The following JAKMIP2 variants were observed in gnomAD, a reference collection of about 807,000 sequenced individuals.
JAKMIP2 encodes janus kinase and microtubule interacting protein 2.
Under a neutral mutation model 115.0 loss-of-function variants are expected in JAKMIP2, and 25 were observed. The ratio of observed to expected loss-of-function variants is 0.22; its 90% CI spans 0.16 to 0.30. JAKMIP2 has a LOEUF of 0.30. Ranked by LOEUF, JAKMIP2 falls within the 10% of genes least tolerant of loss-of-function variation. The pLI is 1.00. For missense variants in JAKMIP2, 642 were observed against 957.6 expected (o/e 0.67, Z 4.35); for synonymous variants, 334 against 343.6 (o/e 0.97, Z 0.31).
chr5:147,634,182 C>T (rs1757500954), intron 12 of JAKMIP2, among the ~76,000 whole-genome samples: 2 of 152,130 alleles, frequency 1.3e-5, no homozygotes, highest in Non-Finnish European at 2.9e-5. Flanking sequence ...TTGAAGTTAC[C>T]TATTTAGGTT....
intron 1 of JAKMIP2, among the ~76,000 whole-genome samples, chr5:147,759,633 C>T (rs1754863887): frequency 6.6e-6 from 1 of 152,072 alleles, no homozygotes; most frequent in African/African-American, 2.4e-5. Flanking sequence ...GTGAGAGAGC[C>T]TCCCTTAAAA....
intron 16 of JAKMIP2, 91 bp from the exon 17 acceptor site, chr5:147,623,780 TTATA>T: frequency 1.4e-6 from 1 of 724,372 alleles, no homozygotes; most frequent in Non-Finnish European, 2.4e-6. Context: ...TCTCCTCCCC[TTATA>T]TCTCAGGAAG....
chr5:147,638,019 A>C (rs1305361538), intron 10 of JAKMIP2, among the ~76,000 whole-genome samples: 2 of 152,200 alleles, frequency 1.3e-5, no homozygotes, highest in East Asian at 3.8e-4. Context: ...TTGATTGTTA[A>C]ATATTACATT....
chr5:147,633,836 C>T (rs1757482367), intron 12 of JAKMIP2, among the ~76,000 whole-genome samples: 1 of 119,042 alleles, frequency 8.4e-6, no homozygotes, highest in South Asian at 3.8e-4. Context: ...ACTACAGGTG[C>T]CTGCCACCAG....
intron 10 of JAKMIP2, among the ~76,000 whole-genome samples, chr5:147,637,454 T>TTTTTTTTTTTTTTTTTTTTC (rs1757677433): frequency 1.4e-5 from 2 of 147,390 alleles, no homozygotes; most frequent in Admixed American, 6.8e-5. Flanking sequence ...TTTTTTTTTT[T>TTTTTTTTTTTTTTTTTTTTC]TTTGAGACAG....
chr5:147,620,076 C>T (rs1756775931), intron 18 of JAKMIP2, among the ~76,000 whole-genome samples: 1 of 152,024 alleles, frequency 6.6e-6, no homozygotes, highest in Non-Finnish European at 1.5e-5. Context: ...TATTATCCAA[C>T]AACATATATT....
At chr5:147,693,384 T>C (rs1278367389) in intron 1 of JAKMIP2, among the ~76,000 whole-genome samples, 2 of 152,184 alleles carry the variant, frequency 1.3e-5, no homozygotes, top group Admixed American at 6.5e-5. Flanking sequence ...TTTTCACCAT[T>C]AATATTATCA....
chr5:147,717,582 C>T (rs1580826269), intron 1 of JAKMIP2, among the ~76,000 whole-genome samples: 1 of 144,350 alleles, frequency 6.9e-6, no homozygotes, highest in African/African-American at 2.5e-5. Flanking sequence ...AGTTGGATTC[C>T]TAGGTATTTT....
At chr5:147,763,537 A>G (rs988097740) in intron 1 of JAKMIP2, among the ~76,000 whole-genome samples, 4 of 152,110 alleles carry the variant, frequency 2.6e-5, no homozygotes, top group African/African-American at 9.7e-5. Flanking sequence ...ATTGCAGGAA[A>G]TTAAATATGG....
intron 3 of JAKMIP2, among the ~76,000 whole-genome samples, chr5:147,657,188 G>A (rs991670263): frequency 1.3e-5 from 2 of 152,096 alleles, no homozygotes; most frequent in African/African-American, 4.8e-5. Flanking sequence ...GCTGAGGCAG[G>A]GGAATGGCAT....
At chr5:147,763,919 G>A (rs961764962) in intron 1 of JAKMIP2, among the ~76,000 whole-genome samples, 6 of 152,138 alleles carry the variant, frequency 3.9e-5, no homozygotes, top group South Asian at 4.2e-4. Flanking sequence ...ATTAAATAAC[G>A]TTGTAAATGA....
intron 16 of JAKMIP2, among the ~76,000 whole-genome samples, chr5:147,625,017 G>C (rs990801573): frequency 5.9e-5 from 9 of 152,036 alleles, no homozygotes; most frequent in Non-Finnish European, 1.0e-4. Context: ...GTTTCACTCT[G>C]TCACCCAGGC....
At chr5:147,687,380 G>A (rs1250630981) in intron 1 of JAKMIP2, among the ~76,000 whole-genome samples, 1 of 152,188 alleles carries the variant, frequency 6.6e-6, no homozygotes, top group Non-Finnish European at 1.5e-5. Context: ...TGTAATGAGT[G>A]CTGAAACAGA....
intron 3 of JAKMIP2, among the ~76,000 whole-genome samples, chr5:147,660,243 G>A (rs940359237): frequency 6.6e-6 from 1 of 152,092 alleles, no homozygotes; most frequent in Non-Finnish European, 1.5e-5. Flanking sequence ...AGGCCTACCT[G>A]GTTTTTGGTC....
chr5:147,702,621 AAAGAAAGAAAGAAAGAAAGAAAG>A (rs1752397984), intron 1 of JAKMIP2, among the ~76,000 whole-genome samples: 1 of 122,348 alleles, frequency 8.2e-6, no homozygotes. Flanking sequence ...AGAAAGAAAG[AAAGAAAGAAAGAAAGAAAGAAAG>A]AAAGAAAGAA....
chr5:147,660,205 T>C (rs983425622), intron 3 of JAKMIP2, among the ~76,000 whole-genome samples: 1 of 152,202 alleles, frequency 6.6e-6, no homozygotes, highest in African/African-American at 2.4e-5. Flanking sequence ...ATGATAATTA[T>C]ATTTGTATTA....
intron 8 of JAKMIP2, 47 bp from the exon 9 acceptor site, chr5:147,640,870 G>A (rs1361709126): frequency 6.3e-7 from 1 of 1,582,230 alleles, no homozygotes; most frequent in South Asian, 1.1e-5. Flanking sequence ...TAACAGTAGG[G>A]AAAGTTGAAC....
At chr5:147,766,321 T>C (rs1273573427) in intron 1 of JAKMIP2, among the ~76,000 whole-genome samples, 1 of 152,212 alleles carries the variant, frequency 6.6e-6, no homozygotes, top group African/African-American at 2.4e-5. Context: ...AAGAGACTTT[T>C]CTGTAGAATT....
In JAKMIP2 at chr5:147,767,187, C is replaced by T. The variant is rs144593074; in HGVS notation, c.-149+15269G>A. 3.3e-3 allele frequency among the ~76,000 whole-genome samples: 496 copies of T among 152,150 alleles called. 7 individuals carry two copies. Among genetic ancestry groups the T allele is most frequent in the African/African-American group, 0.011 (472 of 41,542 alleles). The stretch of plus-strand genomic sequence containing the variant: ...TGAATGGCAACATTGTGTGTGCACA[C>T]GCGTGCACGCACACACACATATACA... On this transcript the variant is annotated intron_variant, in intron 1 of 21. Coordinates refer to ENST00000616793, the MANE Select transcript of JAKMIP2 (RefSeq NM_001270941.2).
Sources: gnomAD v4.1 joint callset for allele counts (sites outside exome capture counted in the v4.1 genomes callset) on GRCh38, gnomAD v4.1.1 for gene constraint, MANE v1.5 for transcripts, NCBI Gene and HGNC (gene_info 2026-07-23, HGNC 2026-07-21) for gene names.